The following SOS1 variants were observed in gnomAD, a reference collection of about 807,000 sequenced individuals.
The protein encoded by SOS1 is son of sevenless homolog 1.
In SOS1, 25 loss-of-function variants were observed where a neutral mutation model predicts 157.6. That is an observed-to-expected ratio of 0.16 (90% confidence interval 0.12 to 0.22). The LOEUF is 0.22. Ranked by LOEUF, SOS1 falls within the 10% of genes least tolerant of loss-of-function variation. SOS1 has a pLI of 1.00. For synonymous variants in SOS1, 528 were observed against 534.0 expected, an observed-to-expected ratio of 0.99 and a Z score of 0.16; for missense variants, 1,237 against 1,599.1, an observed-to-expected ratio of 0.77 and a Z score of 3.86.
Position 39,120,336 on chromosome 2 carries a change from C to T in SOS1, c.87G>A (p.Lys29=). 6.3e-7 allele frequency: 1 copy of T among 1,583,260 alleles called. No homozygotes were observed. Among genetic ancestry groups the T allele is most frequent in the South Asian group, 1.1e-5 (1 of 88,530 alleles). The change falls in exon 1 of 23, where the codon AAG becomes AAA. Residue 29 remains lysine (K), a splice_region_variant and synonymous_variant. Transcript: ENST00000402219. The part of the protein sequence containing the change: ...WRGLLVPALK[K]VQGQVHPTLE... ...AAGCGGGGTCCCGCGTGCTCCTCAC[C>T]TTTTTCAGCGCAGGCACCAGTAGTC...
Position 39,120,372 on chromosome 2 carries a change from G to A in SOS1, c.51C>T (p.Pro17=), listed in dbSNP as rs567678325. The A allele has an allele frequency of 5.0e-6, 8 of 1,602,304 alleles. No homozygotes were observed. The highest frequency in any genetic ancestry group is 1.7e-5 in the Admixed American group (1 of 59,358). The change falls in exon 1 of 23, where the codon CCC becomes CCT. Residue 17 remains proline (P), a synonymous_variant. Coordinates refer to ENST00000402219, the MANE Select transcript of SOS1 (RefSeq NM_005633.4). ...CAGGCACCAGTAGTCCCCGCCACTT[G>A]GGCGCGTTCTCTTCGCTGAAAAACT... is the stretch of plus-strand genomic sequence containing the variant. The part of the protein sequence containing the change: ...PYEFFSEENA[P]KWRGLLVPAL...
At chr2:39,098,181 C>G (rs1483687225) in intron 1 of SOS1, 2 of 189,912 alleles carry the variant, frequency 1.1e-5, no homozygotes, top group Non-Finnish European at 2.3e-5. Flanking sequence ...ATGTCACCAT[C>G]TTTAAATGAG....
At chr2:39,062,675 T>C (rs558890950) in intron 2 of SOS1, among the ~76,000 whole-genome samples, 7 of 148,214 alleles carry the variant, frequency 4.7e-5, no homozygotes, top group East Asian at 3.9e-4. Context: ...TGGTTAAATA[T>C]AGGTACATAT....
chr2:39,114,493 G>C (rs1405438203), intron 1 of SOS1, among the ~76,000 whole-genome samples: 1 of 151,930 alleles, frequency 6.6e-6, no homozygotes, highest in East Asian at 1.9e-4. Context: ...AGTAGAGATG[G>C]GGTTTCTCCA....
chr2:39,029,702 G>T (rs1670090915), intron 8 of SOS1, among the ~76,000 whole-genome samples: 1 of 152,148 alleles, frequency 6.6e-6, no homozygotes, highest in Non-Finnish European at 1.5e-5. Flanking sequence ...TAATACAATA[G>T]TTAGCTGTTT....
chr2:39,042,537 G>C lies in SOS1; in HGVS notation c.865-7037C>G, dbSNP rs1406795645. 2.0e-5 allele frequency among the ~76,000 whole-genome samples: 3 copies of C among 151,814 alleles called. No homozygotes were observed. The East Asian group carries it at 5.8e-4, about 29-fold the overall frequency. On this transcript the variant is annotated intron_variant, in intron 6 of 22. Transcript: ENST00000402219. Reference sequence around the variant, plus strand: ...TCCTGCCTCAACCTCCTGAATAGCTGAGATCACAGATGCCCGCCACTACGC... The same window carrying C: ...TCCTGCCTCAACCTCCTGAATAGCTCAGATCACAGATGCCCGCCACTACGC...
intron 1 of SOS1, among the ~76,000 whole-genome samples, chr2:39,073,907 CAG>C (rs1213186418): frequency 6.6e-6 from 1 of 152,154 alleles, no homozygotes; most frequent in African/African-American, 2.4e-5. Context: ...AATATAAAGA[CAG>C]AATTTGAGAT....
chr2:39,109,902 TA>T (rs1402923141), intron 1 of SOS1, among the ~76,000 whole-genome samples: 1 of 152,154 alleles, frequency 6.6e-6, no homozygotes, highest in Non-Finnish European at 1.5e-5. Flanking sequence ...ACATAGCTTT[TA>T]AAAGAACAAA....
upstream of SOS1, chr2:39,124,443 T>A (rs1674005391): frequency 6.6e-6 from 1 of 151,578 alleles, no homozygotes; most frequent in Non-Finnish European, 1.5e-5. Context: ...GAGGGGCGCG[T>A]CCAGGCGGGC....
At chr2:39,028,009 T>G (rs1430964488) in intron 8 of SOS1, among the ~76,000 whole-genome samples, 1 of 152,126 alleles carries the variant, frequency 6.6e-6, no homozygotes, top group Non-Finnish European at 1.5e-5. Flanking sequence ...TTTTGTATTT[T>G]TAGTAGAGAC....
intron 1 of SOS1, among the ~76,000 whole-genome samples, chr2:39,083,346 AGGAAATGGTGGTTAG>A (rs1157557062): frequency 6.6e-6 from 1 of 152,198 alleles, no homozygotes; most frequent in Non-Finnish European, 1.5e-5. Context: ...CAAAAGAATC[AGGAAATGGTGGTTAG>A]GGTATATTCT....
chr2:39,124,253 T>C (rs1430128417), upstream of SOS1: 1 of 152,340 alleles, frequency 6.6e-6, no homozygotes, highest in East Asian at 1.9e-4. Context: ...TAGGCACGTG[T>C]AGACGTAAAA....
chr2:39,058,758 A>G lies in SOS1; in HGVS notation c.260T>C (p.Ile87Thr). 6.2e-7 allele frequency: 1 copy of G among 1,611,478 alleles called. No homozygotes were observed. The highest frequency in any genetic ancestry group is 8.5e-7 in the Non-Finnish European group (1 of 1,177,888). ...SFPHPIDKWA[I>T]ADAQSAIEKR... The stretch of plus-strand genomic sequence containing the variant: ...TTCAATAGCTGATTGGGCATCAGCT[A>G]TTGCCCATTTATCAATTGGATGAGG... The change falls in exon 3 of 23, where the codon ATA becomes ACA. Residue 87 changes from isoleucine to threonine, a missense_variant. This residue lies in a region of SOS1 where 19 missense variants were observed against 39.4 expected (regional missense o/e 0.48). Coordinates refer to ENST00000402219, the MANE Select transcript of SOS1 (RefSeq NM_005633.4).
At chr2:39,008,543 C>G (rs986210097) in intron 15 of SOS1, among the ~76,000 whole-genome samples, 5 of 151,994 alleles carry the variant, frequency 3.3e-5, no homozygotes, top group African/African-American at 9.7e-5. Flanking sequence ...GAAGATACAC[C>G]CTAGACTGTA....
intron 8 of SOS1, among the ~76,000 whole-genome samples, chr2:39,029,128 AG>A (rs1670071735): frequency 6.6e-6 from 1 of 152,254 alleles, no homozygotes; most frequent in Admixed American, 6.5e-5. Context: ...TTATGGTACC[AG>A]CACACCTAAA....
chr2:39,054,732 T>C lies in SOS1; in HGVS notation c.602A>G (p.Tyr201Cys), dbSNP rs1558491151. ...EEPSTSGEQT[Y>C]YDLVKAFMAE... The stretch of plus-strand genomic sequence containing the variant: ...CATAAATGCTTTTACCAAATCATAG[T>C]AAGTTTGTTCTCCTGAGGTGGAAGG... Residue 201 changes from tyrosine (Y) to cysteine (C), a missense_variant, in exon 5 of 23, where the codon TAC (tyrosine) becomes TGC (cysteine). Tyr to Cys is a radical substitution (Grantham distance 194). Around this residue, in one of 15 missense-constraint regions of SOS1, gnomAD observed 108 missense variants for 115.3 expected, o/e 0.94. Transcript: ENST00000402219. 1 of 1,593,774 alleles carries C rather than the reference T, an allele frequency of 6.3e-7. No individual in the cohort carries two copies. Among genetic ancestry groups the C allele is most frequent in the Non-Finnish European group, 8.6e-7 (1 of 1,161,474 alleles).
chr2:39,120,489 G>A lies in SOS1; in HGVS notation c.-67C>T, dbSNP rs1271671730. 5.7e-6 allele frequency: 8 copies of A among 1,409,210 alleles called. No homozygotes were observed. Among genetic ancestry groups the A allele is most frequent in the East Asian group, 3.0e-5 (1 of 32,862 alleles). 87.3% of individuals were successfully genotyped at this position (1,409,210 alleles called of 1,614,324 possible). The stretch of plus-strand genomic sequence containing the variant: ...CGGCCGGGCCAGGGAGCCGCGAGAG[G>A]GCGAGCTCGCAGCGCGGAACAGGGC... On this transcript the variant is annotated 5_prime_UTR_variant, in exon 1 of 23. Transcript: ENST00000402219.
intron 9 of SOS1, 102 bp downstream of exon 9, chr2:39,023,908 A>C: frequency 4.9e-6 from 4 of 808,468 alleles, no homozygotes; most frequent in Non-Finnish European, 8.3e-6. Context: ...TGTCACTAAA[A>C]CTATTTTCTT....
At chr2:39,054,891 C>G in intron 4 of SOS1, 68 bp from the exon 5 acceptor site, 1 of 842,854 alleles carries the variant, frequency 1.2e-6, no homozygotes, top group Non-Finnish European at 2.0e-6. Context: ...ATGTGAAATG[C>G]TCTAAGTTCT....
Sources: allele counts gnomAD v4.1 joint callset (sites outside exome capture counted in the v4.1 genomes callset), GRCh38; gene constraint gnomAD v4.1.1; regional missense constraint gnomAD v4.1.1; transcripts MANE v1.5; gene names NCBI Gene and HGNC (gene_info 2026-07-23, HGNC 2026-07-21).